ACSM3: variants seen among roughly 807,000 people sequenced by gnomAD.
ACSM3 encodes acyl-coenzyme A synthetase ACSM3, mitochondrial.
A neutral mutation model predicts 74.1 loss-of-function variants in ACSM3; 61 were observed. The observed-to-expected ratio is 0.82, with a 90% CI of 0.67 to 1.02. The LOEUF (loss-of-function observed/expected upper bound fraction) is 1.02. Among genes scored for constraint, ACSM3 ranks in the 50% least tolerant of loss-of-function variants. The pLI is 0.00. For missense variants in ACSM3, 660 were observed against 697.0 expected (o/e 0.95, Z 0.60); for synonymous variants, 213 against 241.5 (o/e 0.88, Z 1.09).
Position 20,796,493 on chromosome 16 carries a change from G to C in ACSM3, c.1674+4G>C, listed in dbSNP as rs1369615982. The C allele has an allele frequency of 3.1e-6, 5 of 1,610,750 alleles. No homozygotes were observed. The highest frequency in any genetic ancestry group is 2.7e-5 in the African/African-American group (2 of 74,642). ...ACCTTACAAATATCCCAGAAAGGTA[G>C]GCATCCTAATTATAACGAATATTTG... On this transcript the variant is annotated splice_donor_region_variant and intron_variant, in intron 13 of 13. Transcript: ENST00000289416.
chr16:20,776,798 A>G (rs910052272), intron 3 of ACSM3, among the ~76,000 whole-genome samples: 5 of 152,198 alleles, frequency 3.3e-5, no homozygotes, highest in African/African-American at 1.2e-4. Context: ...CTTACAGTGT[A>G]ATATATAACC....
At chr16:20,677,719 A>G (rs1166228640) in intron 1 of ACSM3, among the ~76,000 whole-genome samples, 1 of 152,218 alleles carries the variant, frequency 6.6e-6, no homozygotes, top group East Asian at 1.9e-4. Context: ...GTAGAGGTGC[A>G]GTCTTTGCCT....
intron 1 of ACSM3, among the ~76,000 whole-genome samples, chr16:20,724,433 G>A (rs1216826203): frequency 6.6e-6 from 1 of 152,152 alleles, no homozygotes; most frequent in Admixed American, 6.5e-5. Flanking sequence ...ATACTGAATG[G>A]ACAAAAACTG....
intron 1 of ACSM3, among the ~76,000 whole-genome samples, chr16:20,733,153 T>C (rs1156795401): frequency 2.0e-5 from 3 of 152,134 alleles, no homozygotes; most frequent in Non-Finnish European, 4.4e-5. Context: ...AGTCTAAAAA[T>C]ATATGGATGA....
Position 20,741,983 on chromosome 16 carries a change from C to CTA in ACSM3, c.-189-7927_-189-7926insTA, listed in dbSNP as rs1321868554. The CTA allele has an allele frequency of 2.6e-6, 4 of 1,514,272 alleles. No homozygotes were observed. The South Asian group carries it at 4.9e-5, about 18-fold the overall frequency. 93.8% of individuals were successfully genotyped at this position (1,514,272 alleles called of 1,614,324 possible). A position where few individuals can be genotyped will look rare whatever the true frequency, so the allele number is the denominator to read the frequency against. ...GACTGCAACCTGAATCCAGTAGAGG[C>CTA]AGCATAGCAGCCATTCTGGAAGTGG... On this transcript the variant is annotated intron_variant, in intron 1 of 3. Transcript: ENST00000561584.
chr16:20,728,985 G>A (rs1215065364), intron 1 of ACSM3, among the ~76,000 whole-genome samples: 1 of 152,176 alleles, frequency 6.6e-6, no homozygotes, highest in Non-Finnish European at 1.5e-5. Context: ...GCACATGCCT[G>A]TGGTCCCAGC....
chr16:20,682,465 TG>T (rs768457597), intron 1 of ACSM3: 2 of 1,612,256 alleles, frequency 1.2e-6, no homozygotes, highest in Middle Eastern at 1.7e-4. Context: ...AGATGATCCC[TG>T]GGGATGAGAA....
chr16:20,718,147 G>A (rs1415858032), intron 1 of ACSM3, among the ~76,000 whole-genome samples: 2 of 152,040 alleles, frequency 1.3e-5, no homozygotes, highest in Non-Finnish European at 2.9e-5. Flanking sequence ...AGGAGAAGGA[G>A]AACTGTAAAA....
At chr16:20,756,478 GTTGT>G (rs1470080137) in intron 3 of ACSM3, among the ~76,000 whole-genome samples, 2 of 151,984 alleles carry the variant, frequency 1.3e-5, no homozygotes, top group South Asian at 2.1e-4. Context: ...TTTTGATGGG[GTTGT>G]TTGTTTTTTT....
chr16:20,679,265 C>T (rs935360413), intron 1 of ACSM3: 4 of 152,258 alleles, frequency 2.6e-5, no homozygotes, highest in Non-Finnish European at 4.4e-5. Context: ...TTGCCCCACC[C>T]GAATAGACCT....
At chr16:20,760,062 A>T (rs887175334), upstream of ACSM3, among the ~76,000 whole-genome samples, 1 of 152,152 alleles carries the variant, frequency 6.6e-6, no homozygotes, top group Admixed American at 6.5e-5. Flanking sequence ...GTTCAAGCAC[A>T]ACTGACCAAC....
intron 1 of ACSM3, chr16:20,737,009 C>G (rs11074471): frequency 6.2e-7 from 1 of 1,613,856 alleles, no homozygotes; most frequent in East Asian, 2.2e-5. Flanking sequence ...CCTCAGTATT[C>G]TCTGGTACCT....
intron 3 of ACSM3, among the ~76,000 whole-genome samples, chr16:20,776,832 G>A (rs538487912): frequency 6.6e-6 from 1 of 152,258 alleles, no homozygotes; most frequent in South Asian, 2.1e-4. Flanking sequence ...CCACAGAAAA[G>A]ATGAATGCCT....
intron 1 of ACSM3, among the ~76,000 whole-genome samples, chr16:20,677,081 G>C (rs1466676231): frequency 6.6e-6 from 1 of 152,032 alleles, no homozygotes. Context: ...CCAACCACCT[G>C]GTGTCAAATA....
At position 20,780,771 on chromosome 16, in the gene ACSM3, A is replaced by G. The variant is rs1567353625; in HGVS notation, c.696A>G (p.Ile232Met). The G allele has an allele frequency of 1.2e-6, 2 of 1,614,192 alleles. No individual in the cohort carries two copies. The highest frequency in any genetic ancestry group is 1.7e-6 in the Non-Finnish European group (2 of 1,180,018). ...VKTKHNEIMA[I>M]FFTSGTSGYP... Reference sequence around the variant, plus strand: ...CAAAACACAATGAGATCATGGCCATATTCTTTACCAGTGGAACAAGTGGAT... The same window carrying G: ...CAAAACACAATGAGATCATGGCCATGTTCTTTACCAGTGGAACAAGTGGAT... Residue 232 changes from isoleucine (I) to methionine (M), a missense_variant, in exon 5 of 14, where the codon ATA (isoleucine) becomes ATG (methionine). By Grantham distance (10) the Ile-to-Met change is conservative (BLOSUM62 1). Coordinates refer to ENST00000289416, the MANE Select transcript of ACSM3 (RefSeq NM_005622.4).
chr16:20,749,063 C>CA (rs1343051433), intron 1 of ACSM3, among the ~76,000 whole-genome samples: 4 of 149,562 alleles, frequency 2.7e-5, no homozygotes, highest in South Asian at 2.1e-4. Context: ...TCCGTCTCCA[C>CA]AAAAAAAGAA....
intron 2 of ACSM3, 81 bp from the exon 3 acceptor site, chr16:20,775,758 A>G: frequency 7.1e-7 from 1 of 1,402,500 alleles, no homozygotes; most frequent in Admixed American, 1.7e-5. Context: ...TTCTTCAGCT[A>G]ATCTATTCCA....
At chr16:20,698,230 G>T (rs1596480667) in intron 1 of ACSM3, among the ~76,000 whole-genome samples, 1 of 151,116 alleles carries the variant, frequency 6.6e-6, no homozygotes, top group East Asian at 1.9e-4. Context: ...CGTATACGAA[G>T]TCACCTCCAA....
chr16:20,794,705 G>C (rs2080682169), intron 12 of ACSM3, among the ~76,000 whole-genome samples: 1 of 152,150 alleles, frequency 6.6e-6, no homozygotes, highest in Admixed American at 6.5e-5. Flanking sequence ...GACTTACTAT[G>C]TGCCAGGCAT....
Sources: allele counts gnomAD v4.1 joint callset (sites outside exome capture counted in the v4.1 genomes callset), GRCh38; gene constraint gnomAD v4.1.1; transcripts MANE v1.5; gene names NCBI Gene and HGNC (gene_info 2026-07-23, HGNC 2026-07-21).